WDR33: variants seen among roughly 807,000 people sequenced by gnomAD.
WDR33 encodes the protein pre-mRNA 3' end processing protein WDR33.
WDR33 carries 47 observed loss-of-function variants against 164.9 expected under a neutral mutation model. That is an observed-to-expected ratio of 0.29 (90% CI 0.23 to 0.36). The LOEUF (loss-of-function observed/expected upper bound fraction) is 0.36. WDR33 is among the 10% of genes least tolerant of loss of function. The probability of loss-of-function intolerance (pLI) is 1.00; values close to 1 mark genes in which losing one functional copy is unlikely to be tolerated. For synonymous variants in WDR33, 505 were observed against 589.0 expected (o/e 0.86, Z 2.06); for missense variants, 1,137 against 1,754.1 (o/e 0.65, Z 6.28).
chr2:127,759,239 G>GT (rs1206291977), intron 7 of WDR33, among the ~76,000 whole-genome samples: 1 of 152,136 alleles, frequency 6.6e-6, no homozygotes, highest in Admixed American at 6.5e-5. Flanking sequence ...ATAAATGTCT[G>GT]TTTTTTCAAC....
At chr2:127,740,232 T>G (rs1040384030) in intron 7 of WDR33, among the ~76,000 whole-genome samples, 8 of 152,174 alleles carry the variant, frequency 5.3e-5, no homozygotes, top group African/African-American at 1.9e-4. Flanking sequence ...TCTCTACTGT[T>G]AAAGAATGTT....
intron 1 of WDR33, among the ~76,000 whole-genome samples, chr2:127,784,647 C>G (rs1688498635): frequency 6.6e-6 from 1 of 152,170 alleles, no homozygotes; most frequent in South Asian, 2.1e-4. Flanking sequence ...TCCCAAAGTA[C>G]AGAGACTACA....
rs1553470140 is a variant in WDR33 at position 127,702,768 on chromosome 2, A to G, written c.*3555T>C. 6.0e-6 allele frequency: 1 copy of G among 167,134 alleles called. No homozygotes were observed. The highest frequency in any genetic ancestry group is 1.5e-5 in the Non-Finnish European group (1 of 68,132). The allele number at this position is 167,134 out of a possible 1,614,324, so 10.4% of individuals were successfully genotyped here. On this transcript the variant is annotated 3_prime_UTR_variant, in exon 22 of 22. Transcript: ENST00000322313. The stretch of plus-strand genomic sequence containing the variant: ...AAAATCATAAATATGGTGCCTTATA[A>G]CATGAAAGGAAAATTAGTTGTGTAT...
chr2:127,726,841 A>T lies in WDR33; in HGVS notation c.725-64T>A. On this transcript the variant is annotated intron_variant, in intron 7 of 21. Transcript: ENST00000322313. This position sits in a 1 kb window ranked among gnomAD's most constrained non-coding sequence, Gnocchi z 4.8. ...CATGCATTTAAAGCAATTTAAACCAAAGTAGAGAAACCTAGTAAATGTTTT... is the reference window on the plus strand; with the variant it reads ...CATGCATTTAAAGCAATTTAAACCATAGTAGAGAAACCTAGTAAATGTTTT... 1.3e-6 allele frequency: 2 copies of T among 1,587,548 alleles called. No individual in the cohort carries two copies. Among genetic ancestry groups the T allele is most frequent in the Non-Finnish European group, 1.7e-6 (2 of 1,165,712 alleles).
At chr2:127,761,396 T>G (rs1005349509) in intron 7 of WDR33, among the ~76,000 whole-genome samples, 4 of 152,012 alleles carry the variant, frequency 2.6e-5, no homozygotes, top group Admixed American at 1.3e-4. Flanking sequence ...GAGACAGAGT[T>G]TCATGGTGTT....
intron 7 of WDR33, among the ~76,000 whole-genome samples, chr2:127,750,680 ATATAT>A (rs1687312230): frequency 5.7e-4 from 19 of 33,312 alleles, no homozygotes; most frequent in South Asian, 2.0e-3. Context: ...AAAAAAAAAT[ATATAT>A]ATATATATAT....
rs1008435030 is a variant in WDR33, at chr2:127,757,084, A to C, written c.724+5978T>G. Among the ~76,000 whole-genome samples, 3 of 151,932 alleles carry C rather than the reference A, an allele frequency of 2.0e-5. No individual in the cohort carries two copies. The East Asian group carries it at 5.8e-4, about 29-fold the overall frequency. ...AGACCAAGAACCTGTCTCCAAAAAA[A>C]AAAAAAAAAAGTCGAATCTTCACAT... On this transcript the variant is annotated intron_variant, in intron 7 of 21. Coordinates refer to ENST00000322313, the MANE Select transcript of WDR33 (RefSeq NM_018383.5).
chr2:127,729,550 G>A (rs1057329349), intron 7 of WDR33, among the ~76,000 whole-genome samples: 6 of 151,020 alleles, frequency 4.0e-5, no homozygotes, highest in Non-Finnish European at 2.9e-5. Flanking sequence ...GGAGTGCAGT[G>A]GCGCCATCTC....
At chr2:127,707,107 C>T (rs1438209769) in intron 21 of WDR33, among the ~76,000 whole-genome samples, 1 of 151,890 alleles carries the variant, frequency 6.6e-6, no homozygotes, top group Non-Finnish European at 1.5e-5. Context: ...CCAAAAACCC[C>T]ACAAAACACT....
rs200499570 is a variant in WDR33 at position 127,719,281 on chromosome 2, C to G, written c.2744G>C (p.Arg915Pro). ...GAATAATACCTGGTTGAAGGGGGCC[C>G]GGGGCCCATCACCTAGCAGAGGCGT... ...QKTPLLGDGP[R>P]APFNQEGQST... The change falls in exon 16 of 22, where the codon CGG becomes CCG. Residue 915 changes from arginine (R) to proline (P), a missense_variant. By Grantham distance (103) the Arg-to-Pro change is moderately radical (BLOSUM62 -2). Around this residue, in one of 9 missense-constraint regions of WDR33, gnomAD observed 867 missense variants for 1,073.0 expected, o/e 0.81. Coordinates refer to ENST00000322313, the MANE Select transcript of WDR33 (RefSeq NM_018383.5). The surrounding 1 kb of genome is among the most constrained non-coding windows in gnomAD (Gnocchi z 6.5). The G allele has an allele frequency of 6.2e-6, 9 of 1,442,368 alleles. No homozygotes were observed. The highest frequency in any genetic ancestry group is 8.2e-6 in the Non-Finnish European group (9 of 1,096,652). 89.3% of individuals were successfully genotyped at this position (1,442,368 alleles called of 1,614,324 possible). A position where few individuals can be genotyped will look rare whatever the true frequency, so the allele number is the denominator to read the frequency against.
In WDR33 at chr2:127,719,461, G is replaced by A; in HGVS notation, c.2564C>T (p.Pro855Leu). 6.3e-7 allele frequency: 1 copy of A among 1,587,510 alleles called. No homozygotes were observed. Among genetic ancestry groups the A allele is most frequent in the Non-Finnish European group, 8.6e-7 (1 of 1,164,980 alleles). ...CCCCTGCTGACTTTGTGAGCCTGGA[G>A]GCCCTCGCAATTCCTGGGGAGGTCC... Reference protein sequence around the residue: ...MLGPPQELRGPPGSQSQQGPP... With the variant: ...MLGPPQELRGLPGSQSQQGPP... The change falls in exon 16 of 22, where the codon CCT becomes CTT. Residue 855 changes from proline to leucine, a missense_variant. Transcript: ENST00000322313. This position sits in a 1 kb window ranked among gnomAD's most constrained non-coding sequence, Gnocchi z 6.5.
intron 1 of WDR33, among the ~76,000 whole-genome samples, chr2:127,796,924 C>T (rs569967918): frequency 1.3e-5 from 2 of 152,072 alleles, no homozygotes; most frequent in East Asian, 3.9e-4. Flanking sequence ...AAGGTCAAAC[C>T]ATAATCAATC....
rs919901771 is a variant in WDR33 at position 127,701,353 on chromosome 2, C to A, written c.*4970G>T. ...AGCGGACAGGCAGCACCTGCGACCA[C>A]GGTACTTGGGGACACCACAAAAGTC... is the stretch of plus-strand genomic sequence containing the variant. On this transcript the variant is annotated 3_prime_UTR_variant, in exon 22 of 22. Transcript: ENST00000322313. 2 of 507,784 alleles carry A rather than the reference C, an allele frequency of 3.9e-6. No homozygotes were observed. The highest frequency in any genetic ancestry group is 4.0e-5 in the African/African-American group (2 of 50,092). 31.5% of individuals were successfully genotyped at this position (507,784 alleles called of 1,614,324 possible).
intron 2 of WDR33, among the ~76,000 whole-genome samples, chr2:127,769,224 A>G (rs1399868849): frequency 6.6e-6 from 1 of 152,148 alleles, no homozygotes; most frequent in African/African-American, 2.4e-5. Flanking sequence ...GAGGTGCCTC[A>G]TGCCTGTAAT....
At chr2:127,771,987 G>C (rs182947972) in intron 1 of WDR33, among the ~76,000 whole-genome samples, 1 of 152,138 alleles carries the variant, frequency 6.6e-6, no homozygotes, top group Non-Finnish European at 1.5e-5. Flanking sequence ...ACTGGGAATT[G>C]TTCACTTTTT....
intron 18 of WDR33, among the ~76,000 whole-genome samples, chr2:127,711,692 T>C (rs372454685): frequency 1.4e-5 from 2 of 146,426 alleles, no homozygotes; most frequent in East Asian, 3.9e-4. Flanking sequence ...GTCATCAGCC[T>C]TGCTTTTCTC....
chr2:127,808,873 A>G (rs1158829296), intron 1 of WDR33, among the ~76,000 whole-genome samples: 3 of 152,176 alleles, frequency 2.0e-5, no homozygotes, highest in African/African-American at 7.2e-5. Flanking sequence ...TACTAAAAAT[A>G]CAAAAAATTA....
rs181225839 is a variant in WDR33 at position 127,782,612 on chromosome 2, G to A, written c.-23-11608C>T. Among the ~76,000 whole-genome samples the A allele has an allele frequency of 2.1e-3, 318 of 152,166 alleles. 1 individual carries two copies. Among genetic ancestry groups the A allele is most frequent in the African/African-American group, 7.1e-3 (296 of 41,514 alleles). ...CAACCGAGGAAGAAAAATATTAGAC[G>A]GGAATAAATGGATGGTTGCATCTGT... On this transcript the variant is annotated intron_variant, in intron 1 of 21. Transcript: ENST00000322313.
intron 1 of WDR33, among the ~76,000 whole-genome samples, chr2:127,779,073 G>A (rs1166632825): frequency 6.6e-6 from 1 of 151,982 alleles, no homozygotes; most frequent in East Asian, 1.9e-4. Flanking sequence ...TATCATGAAT[G>A]AGCCTAAAGC....
Sources: gnomAD v4.1 joint callset for allele counts (sites outside exome capture counted in the v4.1 genomes callset) on GRCh38, gnomAD v4.1.1 for gene constraint, gnomAD v4.1.1 regional missense constraint, Gnocchi (gnomAD v3.1) non-coding constraint, MANE v1.5 for transcripts, NCBI Gene and HGNC (gene_info 2026-07-23, HGNC 2026-07-21) for gene names.